QKI: variants seen among roughly 807,000 people sequenced by gnomAD.
QKI encodes the protein KH domain-containing RNA-binding protein QKI.
QKI carries 10 observed loss-of-function variants against 39.0 expected under a neutral mutation model. The observed-to-expected ratio is 0.26, with a 90% confidence interval of 0.16 to 0.43. QKI has a LOEUF of 0.43. Among genes scored for constraint, QKI ranks in the 20% least tolerant of loss-of-function variants. QKI has a pLI of 1.00. For synonymous variants in QKI, 204 were observed against 155.4 expected (o/e 1.31, Z -2.33); for missense variants, 218 against 428.0 (o/e 0.51, Z 4.33).
Position 163,573,045 on chromosome 6 carries a change from G to T in QKI, c.*2335G>T, listed in dbSNP as rs1393935829. On this transcript the variant is annotated 3_prime_UTR_variant, in exon 8 of 8. Transcript: ENST00000361752. ...TTTGATCCAGTTTCATCTCAACTAT[G>T]TTATACCTGGACATTTTAGATGTTT... 6.6e-6 allele frequency: 1 copy of T among 152,094 alleles called. No homozygotes were observed. Among genetic ancestry groups the T allele is most frequent in the Admixed American group, 6.6e-5 (1 of 15,266 alleles). The allele number at this position is 152,094 out of a possible 1,614,324, so 9.4% of individuals were successfully genotyped here.
intron 1 of QKI, among the ~76,000 whole-genome samples, chr6:163,453,861 G>A (rs1361822341): frequency 6.6e-6 from 1 of 152,016 alleles, no homozygotes. Context: ...GTATTACAGT[G>A]CCTTTTTTAA....
chr6:163,520,498 G>A (rs1780081968), intron 3 of QKI, among the ~76,000 whole-genome samples: 1 of 151,938 alleles, frequency 6.6e-6, no homozygotes, highest in Non-Finnish European at 1.5e-5. Context: ...CATTCATACA[G>A]CTATTTTTTA....
chr6:163,418,577 C>T (rs2128206444), intron 1 of QKI, among the ~76,000 whole-genome samples: 1 of 152,136 alleles, frequency 6.6e-6, no homozygotes, highest in African/African-American at 2.4e-5. Context: ...GTTGTGAATA[C>T]ATTTTAGGTT....
intron 4 of QKI, among the ~76,000 whole-genome samples, chr6:163,546,024 T>G (rs1354340843): frequency 1.4e-5 from 2 of 147,916 alleles, no homozygotes; most frequent in Non-Finnish European, 3.0e-5. Flanking sequence ...AATATATAAT[T>G]ATATATTTTA....
intron 3 of QKI, among the ~76,000 whole-genome samples, chr6:163,512,385 A>G: frequency 6.6e-6 from 1 of 152,106 alleles, no homozygotes; most frequent in East Asian, 1.9e-4. Context: ...GGAAAAGAAG[A>G]AGACTTTCTT....
chr6:163,434,855 CTT>C (rs753287181), intron 1 of QKI, among the ~76,000 whole-genome samples: 2 of 151,900 alleles, frequency 1.3e-5, no homozygotes, highest in South Asian at 2.1e-4. Flanking sequence ...TCTTTCCTGA[CTT>C]TTTCCCCCCT....
chr6:163,514,593 C>G (rs974293117), intron 3 of QKI, among the ~76,000 whole-genome samples: 1 of 152,050 alleles, frequency 6.6e-6, no homozygotes, highest in Non-Finnish European at 1.5e-5. Context: ...GAGGGATAAG[C>G]AGGTTGACCA....
chr6:163,481,368 C>CGAA (rs1314571923), intron 3 of QKI, among the ~76,000 whole-genome samples: 1 of 152,064 alleles, frequency 6.6e-6, no homozygotes, highest in Non-Finnish European at 1.5e-5. Context: ...TGAATCCTTC[C>CGAA]CTACACTGGT....
At chr6:163,420,799 T>C (rs985051783) in intron 1 of QKI, among the ~76,000 whole-genome samples, 3 of 152,346 alleles carry the variant, frequency 2.0e-5, no homozygotes, top group South Asian at 2.1e-4. Context: ...CAATAAACTT[T>C]TATGGTGAAT....
intron 2 of QKI, among the ~76,000 whole-genome samples, chr6:163,472,043 T>C (rs566468086): frequency 2.6e-5 from 4 of 152,166 alleles, no homozygotes; most frequent in Non-Finnish European, 5.9e-5. Context: ...TTAAACAACA[T>C]GGGGCTGAGG....
intron 2 of QKI, among the ~76,000 whole-genome samples, chr6:163,470,991 C>T (rs955410789): frequency 6.6e-6 from 1 of 151,932 alleles, no homozygotes; most frequent in Admixed American, 6.6e-5. Flanking sequence ...AACTATAAAA[C>T]CAAAGAAAGA....
intron 3 of QKI, among the ~76,000 whole-genome samples, chr6:163,482,561 T>A (rs1370168724): frequency 1.3e-5 from 2 of 150,970 alleles, no homozygotes; most frequent in Admixed American, 1.3e-4. Context: ...GTAAATGTGT[T>A]TTTTTGCAAG....
At chr6:163,429,491 A>G (rs564419438) in intron 1 of QKI, among the ~76,000 whole-genome samples, 11 of 152,170 alleles carry the variant, frequency 7.2e-5, no homozygotes, top group Non-Finnish European at 1.6e-4. Context: ...GTCGAGGTAT[A>G]TTATAATTTA....
At chr6:163,552,316 C>G (rs1782283056) in intron 4 of QKI, among the ~76,000 whole-genome samples, 3 of 144,258 alleles carry the variant, frequency 2.1e-5, no homozygotes, top group Admixed American at 7.4e-5. Context: ...TCATGCCATT[C>G]TCCTGCCTCA....
chr6:163,531,707 G>A (rs749680344), intron 3 of QKI, among the ~76,000 whole-genome samples: 12 of 152,160 alleles, frequency 7.9e-5, no homozygotes, highest in Non-Finnish European at 1.3e-4. Context: ...GGGTCTGACT[G>A]TTCCCCAGGC....
At chr6:163,564,320 T>A in intron 6 of QKI, 1 of 1,019,524 alleles carries the variant, frequency 9.8e-7, no homozygotes, top group Non-Finnish European at 1.2e-6. Flanking sequence ...CAGACATAGA[T>A]GATATCGTTT....
At chr6:163,537,652 T>G (rs1781282814) in intron 4 of QKI, among the ~76,000 whole-genome samples, 1 of 152,222 alleles carries the variant, frequency 6.6e-6, no homozygotes, top group South Asian at 2.1e-4. Flanking sequence ...GTTCGTTCAG[T>G]ATTCTGTTGG....
chr6:163,444,153 T>C lies in QKI; in HGVS notation c.143-11126T>C, dbSNP rs116264089. 4.9e-3 allele frequency among the ~76,000 whole-genome samples: 740 copies of C among 152,320 alleles called. 7 individuals carry two copies. The highest frequency in any genetic ancestry group is 0.017 in the African/African-American group (702 of 41,586). Reference sequence around the variant, plus strand: ...AGTAGGATAGTCTGGCCTGGAGTTCTCAACCAGTCATTGAGTATATACAGC... The same window carrying C: ...AGTAGGATAGTCTGGCCTGGAGTTCCCAACCAGTCATTGAGTATATACAGC... On this transcript the variant is annotated intron_variant, in intron 1 of 7. Transcript: ENST00000361752.
At chr6:163,529,654 G>C (rs543157816) in intron 3 of QKI, among the ~76,000 whole-genome samples, 206 of 152,312 alleles carry the variant, frequency 1.4e-3, no homozygotes, top group African/African-American at 4.8e-3. Flanking sequence ...CAGTAATACA[G>C]CATGGAGTAA....
Sources: allele counts gnomAD v4.1 joint callset (sites outside exome capture counted in the v4.1 genomes callset), GRCh38; gene constraint gnomAD v4.1.1; transcripts MANE v1.5; gene names NCBI Gene and HGNC (gene_info 2026-07-23, HGNC 2026-07-21).